The following SGCZ variants were observed in gnomAD, a reference collection of about 807,000 sequenced individuals.
SGCZ encodes zeta-sarcoglycan.
SGCZ carries 40 observed loss-of-function variants against 41.3 expected under a neutral mutation model. The ratio of observed to expected loss-of-function variants is 0.97; its 90% CI spans 0.75 to 1.26. The LOEUF (loss-of-function observed/expected upper bound fraction) is 1.26. Ranked by LOEUF, SGCZ falls within the 50% of genes most tolerant of loss-of-function variation. The pLI is 0.00. For synonymous variants in SGCZ, 206 were observed against 137.5 expected, an observed-to-expected ratio of 1.50 and a Z score of -3.49; for missense variants, 552 against 369.8, an observed-to-expected ratio of 1.49 and a Z score of -4.04.
intron 1 of SGCZ, among the ~76,000 whole-genome samples, chr8:14,611,609 T>C (rs978636949): frequency 6.6e-6 from 1 of 152,194 alleles, no homozygotes. Context: ...GTAACATTCC[T>C]TCAAATGCAA....
chr8:14,655,973 GATGTAGC>G (rs1167541322), intron 1 of SGCZ, among the ~76,000 whole-genome samples: 1 of 152,062 alleles, frequency 6.6e-6, no homozygotes, highest in African/African-American at 2.4e-5. Context: ...CCATCGTCTG[GATGTAGC>G]ACAGGCTGTT....
At chr8:15,059,500 A>C (rs1804838477) in intron 1 of SGCZ, among the ~76,000 whole-genome samples, 1 of 152,234 alleles carries the variant, frequency 6.6e-6, no homozygotes, top group Non-Finnish European at 1.5e-5. Context: ...AGCAATTAAA[A>C]ATTGCTTTAG....
chr8:14,575,912 A>AT (rs1804694161), intron 1 of SGCZ, among the ~76,000 whole-genome samples: 1 of 124,384 alleles, frequency 8.0e-6, no homozygotes, highest in Non-Finnish European at 1.7e-5. Flanking sequence ...TCTCAAAATA[A>AT]CAAAAAAAAA....
chr8:14,244,096 C>A (rs888861560), intron 3 of SGCZ, among the ~76,000 whole-genome samples: 19 of 152,180 alleles, frequency 1.2e-4, no homozygotes, highest in African/African-American at 4.3e-4. Flanking sequence ...GATTTGTGTT[C>A]AGATCACACC....
chr8:14,900,000 T>C (rs1038472792), intron 1 of SGCZ, among the ~76,000 whole-genome samples: 5 of 152,126 alleles, frequency 3.3e-5, no homozygotes, highest in African/African-American at 9.7e-5. Context: ...GTTATTCTCA[T>C]TCTCTGAGAG....
chr8:14,608,440 G>C (rs948148400), intron 1 of SGCZ, among the ~76,000 whole-genome samples: 1 of 150,050 alleles, frequency 6.7e-6, no homozygotes, highest in Non-Finnish European at 1.5e-5. Context: ...CATGGCAAAG[G>C]GGCGGGGAGG....
intron 1 of SGCZ, among the ~76,000 whole-genome samples, chr8:14,834,743 G>A (rs977392928): frequency 2.0e-5 from 3 of 152,140 alleles, no homozygotes; most frequent in Non-Finnish European, 4.4e-5. Flanking sequence ...AGAGGGAAGC[G>A]TACAGAATAT....
At chr8:14,980,603 C>A (rs532267008) in intron 1 of SGCZ, among the ~76,000 whole-genome samples, 2 of 152,108 alleles carry the variant, frequency 1.3e-5, no homozygotes, top group Non-Finnish European at 2.9e-5. Flanking sequence ...TCACGTCTTA[C>A]GTGAATGGCA....
chr8:14,101,737 T>C (rs1178216477), intron 7 of SGCZ, among the ~76,000 whole-genome samples: 1 of 151,964 alleles, frequency 6.6e-6, no homozygotes, highest in Non-Finnish European at 1.5e-5. Context: ...CAAAGTGCTT[T>C]CTGGAAGAAC....
chr8:14,589,425 T>G (rs1253935776), intron 1 of SGCZ, among the ~76,000 whole-genome samples: 1 of 151,912 alleles, frequency 6.6e-6, no homozygotes, highest in East Asian at 1.9e-4. Flanking sequence ...CAACCAAACT[T>G]AATGACATTC....
At chr8:14,552,178 C>T (rs67971905) in intron 2 of SGCZ, among the ~76,000 whole-genome samples, 1 of 151,746 alleles carries the variant, frequency 6.6e-6, no homozygotes, top group African/African-American at 2.4e-5. Context: ...AAAAACATAA[C>T]ATTGGTTTTA....
intron 5 of SGCZ, among the ~76,000 whole-genome samples, chr8:14,141,659 G>A (rs1287427750): frequency 1.3e-5 from 2 of 152,092 alleles, no homozygotes; most frequent in African/African-American, 2.4e-5. Context: ...TAAAAAGTCG[G>A]GAAACAACAG....
In SGCZ at chr8:14,654,429, C is replaced by T. The variant is rs752367728; in HGVS notation, c.40-99503G>A. Among the ~76,000 whole-genome samples the T allele has an allele frequency of 7.9e-5, 12 of 152,014 alleles. No homozygotes were observed. The South Asian group carries it at 2.1e-3, about 26-fold the overall frequency. On this transcript the variant is annotated intron_variant, in intron 1 of 7. Transcript: ENST00000382080. ...AATAATAACAAAAATAATAATAATG[C>T]CTATTTATAGTAGTTGCTATGAGAA...
At chr8:15,222,508 C>T (rs1262210899) in intron 1 of SGCZ, among the ~76,000 whole-genome samples, 2 of 152,016 alleles carry the variant, frequency 1.3e-5, no homozygotes, top group African/African-American at 4.8e-5. Context: ...TTAGTGCTTA[C>T]ATATTAATGC....
At chr8:14,281,334 C>G (rs904024254) in intron 3 of SGCZ, among the ~76,000 whole-genome samples, 1 of 151,932 alleles carries the variant, frequency 6.6e-6, no homozygotes. Flanking sequence ...TTTATACATA[C>G]TTAAAAAATA....
At chr8:15,108,387 A>G (rs1004027359) in intron 1 of SGCZ, among the ~76,000 whole-genome samples, 4 of 152,208 alleles carry the variant, frequency 2.6e-5, no homozygotes, top group Non-Finnish European at 4.4e-5. Context: ...TGAGGGCTAA[A>G]GGGAATAAAT....
intron 1 of SGCZ, among the ~76,000 whole-genome samples, chr8:14,851,101 G>A (rs1365333258): frequency 2.0e-5 from 3 of 152,112 alleles, no homozygotes; most frequent in African/African-American, 7.2e-5. Context: ...TGGGCGCAGT[G>A]GCTCACACCT....
chr8:14,312,781 A>G (rs1385027633), intron 3 of SGCZ, among the ~76,000 whole-genome samples: 2 of 152,220 alleles, frequency 1.3e-5, no homozygotes, highest in Admixed American at 1.3e-4. Flanking sequence ...TGGCATCAAT[A>G]TGATATGGCT....
At position 14,238,678 on chromosome 8, in the gene SGCZ, T is replaced by A. The variant is rs1379856724; in HGVS notation, c.337-999A>T. On this transcript the variant is annotated intron_variant, in intron 3 of 7. Coordinates refer to ENST00000382080, the MANE Select transcript of SGCZ (RefSeq NM_139167.4). The stretch of plus-strand genomic sequence containing the variant: ...CTCTAAAACCTAAGTAGGGTGATCA[T>A]TTACAAATCTCTATTAATTTATTCA... Among the ~76,000 whole-genome samples, 7 of 152,134 alleles carry A rather than the reference T, an allele frequency of 4.6e-5. No individual in the cohort carries two copies. In the East Asian group the frequency reaches 1.2e-3, roughly 25 times the overall value.
Sources: gnomAD v4.1 joint callset for allele counts (sites outside exome capture counted in the v4.1 genomes callset) on GRCh38, gnomAD v4.1.1 for gene constraint, MANE v1.5 for transcripts, NCBI Gene and HGNC (gene_info 2026-07-23, HGNC 2026-07-21) for gene names.